The following C11orf65 variants were observed in gnomAD, a reference collection of about 807,000 sequenced individuals.
C11orf65 encodes the protein chromosome 11 open reading frame 65, also known as protein MFI.
A neutral mutation model predicts 35.3 loss-of-function variants in C11orf65; 38 were observed. The ratio of observed to expected loss-of-function variants is 1.08; its 90% CI spans 0.83 to 1.41. The LOEUF (loss-of-function observed/expected upper bound fraction) is 1.41, where lower values mean the gene tolerates loss of function less well. Among genes scored for constraint, C11orf65 ranks in the 40% most tolerant of loss-of-function variants. C11orf65 has a pLI of 0.00. For missense variants in C11orf65, 370 were observed against 367.1 expected (o/e 1.01, Z -0.06); for synonymous variants, 105 against 114.4 (o/e 0.92, Z 0.53).
intron 6 of C11orf65, among the ~76,000 whole-genome samples, chr11:108,395,843 G>C (rs963430621): frequency 7.1e-6 from 1 of 141,576 alleles, no homozygotes; most frequent in Non-Finnish European, 1.5e-5. Flanking sequence ...GGATGGTCTC[G>C]ATCTCCTGAC....
chr11:108,428,665 G>C (rs937404251), intron 3 of C11orf65, among the ~76,000 whole-genome samples: 1 of 152,172 alleles, frequency 6.6e-6, no homozygotes, highest in Non-Finnish European at 1.5e-5. Flanking sequence ...CTGTAGAGGC[G>C]TTGGGGGGCT....
chr11:108,464,282 G>A (rs917439146), intron 1 of C11orf65, among the ~76,000 whole-genome samples: 21 of 152,074 alleles, frequency 1.4e-4, no homozygotes, highest in Non-Finnish European at 2.6e-4. Context: ...CAAAAGGTAT[G>A]CACATATATA....
intron 2 of C11orf65, among the ~76,000 whole-genome samples, chr11:108,337,305 T>C (rs1341453086): frequency 1.3e-5 from 2 of 152,236 alleles, no homozygotes; most frequent in Non-Finnish European, 2.9e-5. Flanking sequence ...TCTGCAATAA[T>C]AACTAACATA....
intron 2 of C11orf65, among the ~76,000 whole-genome samples, chr11:108,456,746 T>C (rs2093415079): frequency 6.7e-6 from 1 of 148,308 alleles, no homozygotes; most frequent in African/African-American, 2.5e-5. Flanking sequence ...AACTGCACTC[T>C]AGCATGGGCA....
intron 2 of C11orf65, among the ~76,000 whole-genome samples, chr11:108,375,679 A>T (rs1275925729): frequency 1.3e-5 from 2 of 152,226 alleles, no homozygotes; most frequent in African/African-American, 2.4e-5. Context: ...CAATTAAAAG[A>T]CACAGACTGG....
chr11:108,423,824 T>C (rs983173107), intron 3 of C11orf65, among the ~76,000 whole-genome samples: 1 of 152,046 alleles, frequency 6.6e-6, no homozygotes, highest in African/African-American at 2.4e-5. Flanking sequence ...AGGGGCCTGT[T>C]AGAAGGAAAA....
At chr11:108,395,662 C>T (rs1182338055) in intron 6 of C11orf65, among the ~76,000 whole-genome samples, 1 of 132,872 alleles carries the variant, frequency 7.5e-6, no homozygotes, top group East Asian at 2.2e-4. Context: ...ACTCTATTGC[C>T]CAGGCTGGAG....
chr11:108,394,894 G>C (rs2092267289), intron 6 of C11orf65, among the ~76,000 whole-genome samples: 1 of 151,294 alleles, frequency 6.6e-6, no homozygotes, highest in South Asian at 2.1e-4. Flanking sequence ...ACTTTGGGAG[G>C]GTAAGGCAGG....
chr11:108,314,483 G>T (rs2084443910), intron 6 of C11orf65, among the ~76,000 whole-genome samples: 1 of 151,780 alleles, frequency 6.6e-6, no homozygotes, highest in African/African-American at 2.4e-5. Context: ...ATATAAGCCT[G>T]GTAGGTCGGT....
At chr11:108,388,879 G>A (rs1238579047) in intron 7 of C11orf65, among the ~76,000 whole-genome samples, 1 of 152,208 alleles carries the variant, frequency 6.6e-6, no homozygotes, top group Non-Finnish European at 1.5e-5. Context: ...ACTCATTAGT[G>A]TGTTTGAGTC....
intron 2 of C11orf65, among the ~76,000 whole-genome samples, chr11:108,438,339 G>A (rs2093096822): frequency 6.6e-6 from 1 of 151,956 alleles, no homozygotes; most frequent in South Asian, 2.1e-4. Context: ...ATCACTTGAG[G>A]TCAGGAGTTT....
chr11:108,350,913 G>A (rs973552537), intron 2 of C11orf65, among the ~76,000 whole-genome samples: 1 of 152,128 alleles, frequency 6.6e-6, no homozygotes, highest in African/African-American at 2.4e-5. Context: ...TGTATATCCT[G>A]TGACCCATCA....
chr11:108,327,548 A>G (rs1591141012), downstream of C11orf65: 5 of 1,014,278 alleles, frequency 4.9e-6, no homozygotes, highest in South Asian at 7.0e-5. Context: ...CACCAAGGAA[A>G]AACATTTTTA....
chr11:108,424,812 G>T (rs574883044), intron 3 of C11orf65, among the ~76,000 whole-genome samples: 29 of 152,300 alleles, frequency 1.9e-4, no homozygotes, highest in African/African-American at 5.5e-4. Flanking sequence ...CAGTCTCTCA[G>T]ACCACAGTGC....
chr11:108,411,729 T>C (rs892801792), intron 3 of C11orf65, among the ~76,000 whole-genome samples: 2 of 152,276 alleles, frequency 1.3e-5, no homozygotes, highest in South Asian at 2.1e-4. Context: ...CACAAAACTT[T>C]ATCCCTTAAA....
chr11:108,448,136 TAATC>T (rs1316974231), intron 2 of C11orf65, among the ~76,000 whole-genome samples: 5 of 152,204 alleles, frequency 3.3e-5, no homozygotes, highest in African/African-American at 1.2e-4. Context: ...ATTGTGGCAA[TAATC>T]AATAGCTTAC....
chr11:108,347,695 G>A (rs947321655), intron 2 of C11orf65, among the ~76,000 whole-genome samples: 14 of 152,136 alleles, frequency 9.2e-5, no homozygotes, highest in African/African-American at 3.4e-4. Flanking sequence ...GATGTAGCAT[G>A]TTGTGGGAGT....
At chr11:108,377,409 G>A (rs1342163278) in intron 2 of C11orf65, among the ~76,000 whole-genome samples, 1 of 152,052 alleles carries the variant, frequency 6.6e-6, no homozygotes, top group African/African-American at 2.4e-5. Flanking sequence ...ATGCAGAAAA[G>A]GCCTTGGACA....
At chr11:108,378,231 T>C (rs2091779405), downstream of C11orf65, among the ~76,000 whole-genome samples, 1 of 151,216 alleles carries the variant, frequency 6.6e-6, no homozygotes, top group African/African-American at 2.4e-5. Flanking sequence ...CTTCAAACTA[T>C]ACTACAAGGC....
Sources: allele counts gnomAD v4.1 joint callset (sites outside exome capture counted in the v4.1 genomes callset), GRCh38; gene constraint gnomAD v4.1.1; transcripts MANE v1.5; gene names NCBI Gene and HGNC (gene_info 2026-07-23, HGNC 2026-07-21).